CLTC: variants seen among roughly 807,000 people sequenced by gnomAD.
CLTC encodes clathrin heavy chain.
In CLTC, 16 loss-of-function variants were observed where a neutral mutation model predicts 195.8. That is an observed-to-expected ratio of 0.08 (90% CI 0.06 to 0.12). The LOEUF is 0.12. CLTC is among the 10% of genes least tolerant of loss of function. The pLI, the probability that CLTC is intolerant of heterozygous loss-of-function variation, is 1.00. For missense variants in CLTC, 796 were observed against 2,027.0 expected (o/e 0.39, Z 11.66); for synonymous variants, 667 against 689.4 (o/e 0.97, Z 0.51).
In CLTC at chr17:59,693,417, T is replaced by C. The variant is rs554184371; in HGVS notation, c.4904-311T>C. ...TAAAAAATTCTTTTATTGTGCTGATTTTATTGTGTCATGAAGTGTAATATG... is the reference window on the plus strand; with the variant it reads ...TAAAAAATTCTTTTATTGTGCTGATCTTATTGTGTCATGAAGTGTAATATG... On this transcript the variant is annotated intron_variant, in intron 31 of 31. Transcript: ENST00000269122. Among the ~76,000 whole-genome samples the C allele has an allele frequency of 2.6e-5, 4 of 152,042 alleles. No homozygotes were observed. The South Asian group carries it at 8.3e-4, about 32-fold the overall frequency.
At chr17:59,663,358 C>G (rs1466354644) in intron 8 of CLTC, among the ~76,000 whole-genome samples, 1 of 152,176 alleles carries the variant, frequency 6.6e-6, no homozygotes, top group African/African-American at 2.4e-5. Context: ...GCTTAGATCC[C>G]TCAGACATAT....
intron 7 of CLTC, among the ~76,000 whole-genome samples, 188 bp from the exon 8 acceptor site, chr17:59,661,255 A>C (rs1228260176): frequency 6.6e-6 from 1 of 152,002 alleles, no homozygotes; most frequent in Non-Finnish European, 1.5e-5. Context: ...CTAAATATTT[A>C]CTCCAGATGG....
intron 5 of CLTC, among the ~76,000 whole-genome samples, chr17:59,654,325 A>G (rs1598218444): frequency 1.3e-5 from 2 of 149,800 alleles, no homozygotes; most frequent in East Asian, 4.0e-4. Context: ...ACAGGCGCGC[A>G]CCACCCCACC....
At chr17:59,645,758 ACTCAT>A (rs1345202814) in intron 2 of CLTC, among the ~76,000 whole-genome samples, 1 of 151,930 alleles carries the variant, frequency 6.6e-6, no homozygotes, top group Non-Finnish European at 1.5e-5. Flanking sequence ...TAAGATAGAA[ACTCAT>A]CTCATCTCGA....
rs1006002947 is a variant in CLTC at position 59,620,665 on chromosome 17, C to T, written c.42+492C>T. 6.6e-5 allele frequency among the ~76,000 whole-genome samples: 10 copies of T among 151,428 alleles called. 1 individual carries two copies. The highest frequency in any genetic ancestry group is 2.2e-4 in the African/African-American group (9 of 41,204). Reference sequence around the variant, plus strand: ...GAGGAGCAACCTTTTTTTTCCCTCCCTCTGCGGCTCTCAACTGAGAAAGGC... The same window carrying T: ...GAGGAGCAACCTTTTTTTTCCCTCCTTCTGCGGCTCTCAACTGAGAAAGGC... On this transcript the variant is annotated intron_variant, in intron 1 of 31. Coordinates refer to ENST00000269122, the MANE Select transcript of CLTC (RefSeq NM_004859.4).
chr17:59,641,540 G>A (rs945072865), intron 1 of CLTC, among the ~76,000 whole-genome samples: 3 of 132,784 alleles, frequency 2.3e-5, no homozygotes, highest in African/African-American at 8.3e-5. Flanking sequence ...GGCAGAGGTT[G>A]TAGTGAGCTG....
Position 59,644,438 on chromosome 17 carries a change from G to A in CLTC, c.205G>A (p.Asp69Asn). The A allele has an allele frequency of 6.2e-7, 1 of 1,614,000 alleles. No homozygotes were observed. Among genetic ancestry groups the A allele is most frequent in the Non-Finnish European group, 8.5e-7 (1 of 1,180,014 alleles). The change falls in exon 2 of 32, where the codon GAC becomes AAC. Residue 69 changes from aspartate to asparagine, a missense_variant. By Grantham distance (23) the Asp-to-Asn change is conservative. Coordinates refer to ENST00000269122, the MANE Select transcript of CLTC (RefSeq NM_004859.4). The part of the protein sequence containing the change: ...SNPIRRPISA[D>N]SAIMNPASKV... Reference sequence around the variant, plus strand: ...TCCAATTCGAAGACCAATTTCAGCAGACAGCGCCATCATGAATCCAGCTAG... The same window carrying A: ...TCCAATTCGAAGACCAATTTCAGCAAACAGCGCCATCATGAATCCAGCTAG...
Position 59,660,438 on chromosome 17 carries a change from C to T in CLTC, c.1017C>T (p.Thr339=), listed in dbSNP as rs2143540726. 1 of 1,614,052 alleles carries T rather than the reference C, an allele frequency of 6.2e-7. No homozygotes were observed. The highest frequency in any genetic ancestry group is 8.5e-7 in the Non-Finnish European group (1 of 1,179,980). The change falls in exon 7 of 32, where the codon ACC becomes ACT. Residue 339 remains threonine (T), a synonymous_variant. Coordinates refer to ENST00000269122, the MANE Select transcript of CLTC (RefSeq NM_004859.4). ...VEEENIIPYI[T]NVLQNPDLAL... ...AAGAAAACATAATTCCTTACATCAC[C>T]AATGTTCTACAAAATCCTGATTTGG...
In CLTC at chr17:59,648,299, C is replaced by T; in HGVS notation, c.579C>T (p.Pro193=). 6.2e-7 allele frequency: 1 copy of T among 1,614,046 alleles called. No individual in the cohort carries two copies. The highest frequency in any genetic ancestry group is 1.7e-5 in the Admixed American group (1 of 60,020). Residue 193 remains proline, a synonymous_variant, in exon 4 of 32, where the codon CCC becomes CCT. Transcript: ENST00000269122. The surrounding 1 kb of genome is among the most constrained non-coding windows in gnomAD (Gnocchi z 4.5). The part of the protein sequence containing the change: ...LYSVDRKVSQ[P]IEGHAASFAQ... Reference sequence around the variant, plus strand: ...CTGTAGATAGGAAAGTGTCTCAGCCCATTGAAGGACATGCAGCTAGCTTTG... The same window carrying T: ...CTGTAGATAGGAAAGTGTCTCAGCCTATTGAAGGACATGCAGCTAGCTTTG...
rs370022516 is a variant in CLTC at position 59,681,501 on chromosome 17, T to C, written c.3249+23T>C. 18 of 1,612,080 alleles carry C rather than the reference T, an allele frequency of 1.1e-5. No individual in the cohort carries two copies. Among genetic ancestry groups the C allele is most frequent in the Admixed American group, 1.7e-5 (1 of 59,942 alleles). On this transcript the variant is annotated intron_variant, in intron 20 of 31. Coordinates refer to ENST00000269122, the MANE Select transcript of CLTC (RefSeq NM_004859.4). The surrounding 1 kb of genome is among the most constrained non-coding windows in gnomAD (Gnocchi z 5.0). ...CAGGTAAATCTTCAGATTACCTAAG[T>C]TGAATTACTAAACACTGTGCTATGA...
At chr17:59,678,902 T>G (rs2143585271) in intron 17 of CLTC, among the ~76,000 whole-genome samples, 1 of 151,964 alleles carries the variant, frequency 6.6e-6, no homozygotes, top group South Asian at 2.1e-4. Context: ...CCCAGAAAGC[T>G]GAGGCAGGAG....
intron 14 of CLTC, among the ~76,000 whole-genome samples, chr17:59,671,320 T>G (rs2032842855): frequency 6.6e-6 from 1 of 152,190 alleles, no homozygotes; most frequent in African/African-American, 2.4e-5. Context: ...ATTAGATTCC[T>G]TGTTAACCTC....
At chr17:59,679,797 G>A (rs1301725358) in intron 18 of CLTC, among the ~76,000 whole-genome samples, 4 of 151,812 alleles carry the variant, frequency 2.6e-5, no homozygotes, top group Non-Finnish European at 5.9e-5. Context: ...AGCCATGTGC[G>A]GTGGCTCACG....
chr17:59,660,208 A>C (rs530654586), intron 6 of CLTC, among the ~76,000 whole-genome samples, 183 bp from the exon 7 acceptor site: 1 of 152,326 alleles, frequency 6.6e-6, no homozygotes, highest in South Asian at 2.1e-4. Context: ...ATTTGTTTTC[A>C]AATCTCCTTA....
At chr17:59,630,823 T>C (rs369224859) in intron 1 of CLTC, among the ~76,000 whole-genome samples, 1 of 152,260 alleles carries the variant, frequency 6.6e-6, no homozygotes, top group Non-Finnish European at 1.5e-5. Flanking sequence ...TTGGGTTCTT[T>C]CTACCTTTTG....
At chr17:59,623,035 A>G (rs1032745684) in intron 1 of CLTC, among the ~76,000 whole-genome samples, 1 of 152,236 alleles carries the variant, frequency 6.6e-6, no homozygotes, top group African/African-American at 2.4e-5. Flanking sequence ...CCTAGGCTAC[A>G]TATATAAAAT....
chr17:59,686,785 T>G (rs1445767422), intron 30 of CLTC, among the ~76,000 whole-genome samples: 1 of 152,208 alleles, frequency 6.6e-6, no homozygotes, highest in Non-Finnish European at 1.5e-5. Flanking sequence ...TTAAGCTGCT[T>G]TCTTTCATAC....
chr17:59,641,221 G>A (rs945435873), intron 1 of CLTC, among the ~76,000 whole-genome samples: 2 of 152,038 alleles, frequency 1.3e-5, no homozygotes, highest in African/African-American at 2.4e-5. Flanking sequence ...CCATATCACT[G>A]TTGTTCTAAT....
In CLTC at chr17:59,628,377, T is replaced by C. The variant is rs1171299937; in HGVS notation, c.42+8204T>C. On this transcript the variant is annotated intron_variant, in intron 1 of 31. Transcript: ENST00000269122. ...GTATGTTTTTGTATTTGTAGTATAA[T>C]ATTTAGCCCCTTAACCCCTTACAGG... Among the ~76,000 whole-genome samples, 4 of 152,190 alleles carry C rather than the reference T, an allele frequency of 2.6e-5. No individual in the cohort carries two copies. The East Asian group carries it at 7.7e-4, about 29-fold the overall frequency.
Sources: allele counts gnomAD v4.1 joint callset (sites outside exome capture counted in the v4.1 genomes callset), GRCh38; gene constraint gnomAD v4.1.1; non-coding constraint Gnocchi (gnomAD v3.1); transcripts MANE v1.5; gene names NCBI Gene and HGNC (gene_info 2026-07-23, HGNC 2026-07-21).